The following ZRANB1 variants were observed in gnomAD, a reference collection of about 807,000 sequenced individuals.
ZRANB1 encodes the protein ubiquitin thioesterase ZRANB1.
ZRANB1 carries 16 observed loss-of-function variants against 80.5 expected under a neutral mutation model. The ratio of observed to expected loss-of-function variants is 0.20; its 90% CI spans 0.13 to 0.30. ZRANB1 has a LOEUF of 0.30. ZRANB1 is among the 10% of genes least tolerant of loss of function. The probability of loss-of-function intolerance (pLI) is 1.00; values close to 1 mark genes in which losing one functional copy is unlikely to be tolerated. For synonymous variants in ZRANB1, 291 were observed against 293.1 expected, an observed-to-expected ratio of 0.99 and a Z score of 0.07; for missense variants, 576 against 862.6, an observed-to-expected ratio of 0.67 and a Z score of 4.16.
At chr10:124,965,445 G>A (rs1043937051) in intron 1 of ZRANB1, among the ~76,000 whole-genome samples, 10 of 152,118 alleles carry the variant, frequency 6.6e-5, no homozygotes, top group African/African-American at 2.4e-4. Context: ...AGGCGTTCCT[G>A]TATATGATGA....
At chr10:124,969,522 G>T (rs1007835402) in intron 2 of ZRANB1, among the ~76,000 whole-genome samples, 2 of 152,114 alleles carry the variant, frequency 1.3e-5, no homozygotes, top group African/African-American at 4.8e-5. Flanking sequence ...TGTATGTGGG[G>T]CAGGAATTTT....
At chr10:124,959,517 G>A (rs1213804789) in intron 1 of ZRANB1, among the ~76,000 whole-genome samples, 2 of 151,768 alleles carry the variant, frequency 1.3e-5, no homozygotes, top group Non-Finnish European at 2.9e-5. Context: ...GCTGGGTGGA[G>A]TGCAGTGACA....
At chr10:124,929,024 CT>C in the ZRANB1 span, among the ~76,000 whole-genome samples, 9 of 152,080 alleles carry the variant, frequency 5.9e-5, no homozygotes, top group African/African-American at 2.2e-4. Context: ...TAATTTTATT[CT>C]GTGTAAGGAT....
At chr10:124,954,038 C>A (rs909049638) in intron 1 of ZRANB1, among the ~76,000 whole-genome samples, 4 of 150,282 alleles carry the variant, frequency 2.7e-5, no homozygotes, top group Non-Finnish European at 4.4e-5. Flanking sequence ...TTGATCACAG[C>A]TCACTGCAGC....
chr10:124,981,962 C>CT, intron 6 of ZRANB1, 133 bp downstream of exon 6: 1 of 1,123,852 alleles, frequency 8.9e-7, no homozygotes, highest in South Asian at 1.4e-5. Context: ...CATCAGTCAA[C>CT]TTGGGTTCTA....
At chr10:124,917,820 C>G in the ZRANB1 span, among the ~76,000 whole-genome samples, 3 of 152,156 alleles carry the variant, frequency 2.0e-5, no homozygotes, top group Non-Finnish European at 2.9e-5. Context: ...TGGAAAGATT[C>G]GTCTACCCCT....
chr10:124,972,804 G>T (rs1437842329), intron 3 of ZRANB1, among the ~76,000 whole-genome samples: 1 of 151,378 alleles, frequency 6.6e-6, no homozygotes, highest in African/African-American at 2.4e-5. Flanking sequence ...TTGAAACGGG[G>T]TCTTGCTCTG....
chr10:124,958,563 T>G (rs1312182425), intron 1 of ZRANB1, among the ~76,000 whole-genome samples: 1 of 152,260 alleles, frequency 6.6e-6, no homozygotes, highest in African/African-American at 2.4e-5. Flanking sequence ...TTATTTACTT[T>G]TACATAGTTG....
At chr10:124,923,563 G>T in the ZRANB1 span, among the ~76,000 whole-genome samples, 2 of 152,096 alleles carry the variant, frequency 1.3e-5, no homozygotes, top group South Asian at 4.1e-4. Flanking sequence ...CTGCGCTTCA[G>T]CCTGCCTCGG....
chr10:124,925,123 T>C, the ZRANB1 span, among the ~76,000 whole-genome samples: 2 of 152,154 alleles, frequency 1.3e-5, no homozygotes, highest in East Asian at 3.8e-4. Context: ...TTGACCAGGC[T>C]GGTCTCGAAC....
At chr10:124,937,187 T>C (rs1951495387), upstream of ZRANB1, among the ~76,000 whole-genome samples, 3 of 146,450 alleles carry the variant, frequency 2.0e-5, no homozygotes, top group South Asian at 6.5e-4. Context: ...GTGTGTATTT[T>C]TTTTTTTTTT....
the ZRANB1 span, among the ~76,000 whole-genome samples, chr10:124,918,837 CATT>C: frequency 6.6e-6 from 1 of 152,144 alleles, no homozygotes; most frequent in Non-Finnish European, 1.5e-5. Flanking sequence ...AATTTCATAA[CATT>C]GTTTTTATTG....
At chr10:124,921,548 C>T in the ZRANB1 span, among the ~76,000 whole-genome samples, 1 of 152,170 alleles carries the variant, frequency 6.6e-6, no homozygotes, top group South Asian at 2.1e-4. Flanking sequence ...TCTCTTGGCA[C>T]TAAACCATCT....
rs201266237 is a variant in ZRANB1 at position 124,972,166 on chromosome 10, T to TA, written c.1156+49dup. ...AAAGACTTTTTTATTTTATTATAGT[T>TA]ACATTTGTGTATGTAGGTGAAAAAT... On this transcript the variant is annotated intron_variant, in intron 3 of 8. Transcript: ENST00000359653. 1.4e-3 allele frequency: 2,254 copies of TA among 1,569,032 alleles called. 31 individuals are homozygous for TA. The African/African-American group carries it at 0.027, about 19-fold the overall frequency.
At chr10:124,960,844 A>T (rs529085594) in intron 1 of ZRANB1, among the ~76,000 whole-genome samples, 1 of 152,222 alleles carries the variant, frequency 6.6e-6, no homozygotes, top group African/African-American at 2.4e-5. Flanking sequence ...TTTAGTTTCA[A>T]ATTCAGCCAG....
the ZRANB1 span, among the ~76,000 whole-genome samples, chr10:124,929,248 GCATTA>G: frequency 1.6e-4 from 24 of 152,138 alleles, no homozygotes; most frequent in African/African-American, 5.3e-4. Flanking sequence ...AGGTTGTGGT[GCATTA>G]GCAAGAGGGT....
the ZRANB1 span, among the ~76,000 whole-genome samples, chr10:124,923,922 G>A: frequency 2.0e-5 from 3 of 150,584 alleles, no homozygotes; most frequent in Admixed American, 1.3e-4. Context: ...GGGCAAAGTA[G>A]CAAGACCCTA....
At chr10:124,924,257 A>G in the ZRANB1 span, among the ~76,000 whole-genome samples, 1 of 151,660 alleles carries the variant, frequency 6.6e-6, no homozygotes, top group African/African-American at 2.4e-5. Flanking sequence ...TGAATGCGTG[A>G]TATTAATTGG....
upstream of ZRANB1, among the ~76,000 whole-genome samples, chr10:124,937,633 G>T (rs1951499669): frequency 6.6e-6 from 1 of 152,158 alleles, no homozygotes; most frequent in Non-Finnish European, 1.5e-5. Context: ...TATTAAACAT[G>T]ACAGTATAAA....
Sources: allele counts gnomAD v4.1 joint callset (sites outside exome capture counted in the v4.1 genomes callset), GRCh38; gene constraint gnomAD v4.1.1; transcripts MANE v1.5; gene names NCBI Gene and HGNC (gene_info 2026-07-23, HGNC 2026-07-21).